The following POPDC3 variants were observed in gnomAD, a reference collection of about 807,000 sequenced individuals.
POPDC3 encodes popeye domain-containing protein 3.
In POPDC3, 20 loss-of-function variants were observed where a neutral mutation model predicts 28.2. The observed-to-expected ratio is 0.71, with a 90% CI of 0.50 to 1.03. POPDC3 has a LOEUF of 1.03. Ranked by LOEUF, POPDC3 falls within the 50% of genes least tolerant of loss-of-function variation. The probability of loss-of-function intolerance (pLI) is 0.00; values close to 1 mark genes in which losing one functional copy is unlikely to be tolerated. For missense variants in POPDC3, 316 were observed against 345.9 expected (o/e 0.91, Z 0.69); for synonymous variants, 118 against 124.1 (o/e 0.95, Z 0.33).
chr6:105,170,167 G>A (rs1221969735), intron 1 of POPDC3, among the ~76,000 whole-genome samples: 1 of 152,104 alleles, frequency 6.6e-6, no homozygotes, highest in African/African-American at 2.4e-5. Context: ...GACAGGCTCT[G>A]CTCAAGTTCT....
At chr6:105,166,734 T>G in intron 1 of POPDC3, 1 of 462,924 alleles carries the variant, frequency 2.2e-6, no homozygotes, top group Non-Finnish European at 4.5e-6. Flanking sequence ...CTTTATTATC[T>G]GTCTACATAG....
chr6:105,177,950 A>T (rs780995787), intron 1 of POPDC3, among the ~76,000 whole-genome samples: 24 of 152,204 alleles, frequency 1.6e-4, no homozygotes, highest in African/African-American at 5.8e-4. Flanking sequence ...TAATTTAGAA[A>T]ACACCTGATG....
chr6:105,162,089 A>C lies in POPDC3; in HGVS notation c.-180T>G. 7.5e-7 allele frequency: 1 copy of C among 1,335,704 alleles called. No homozygotes were observed. The highest frequency in any genetic ancestry group is 9.5e-7 in the Non-Finnish European group (1 of 1,049,244). 82.7% of individuals were successfully genotyped at this position (1,335,704 alleles called of 1,614,324 possible). A position where few individuals can be genotyped will look rare whatever the true frequency, so the allele number is the denominator to read the frequency against. On this transcript the variant is annotated 5_prime_UTR_variant, in exon 2 of 4. Transcript: ENST00000254765. ...GTGTACGGATCTTGAAAAACTAAGAATCCCATGCTCGCTTCTTTAAGTTCA... is the reference window on the plus strand; with the variant it reads ...GTGTACGGATCTTGAAAAACTAAGACTCCCATGCTCGCTTCTTTAAGTTCA...
intron 1 of POPDC3, chr6:105,168,938 G>A (rs1466130814): frequency 6.6e-6 from 1 of 152,210 alleles, no homozygotes; most frequent in East Asian, 1.9e-4. Context: ...AACCATCTGA[G>A]AAGCTTGGAA....
chr6:105,179,619 G>A (rs1215349548), intron 1 of POPDC3, among the ~76,000 whole-genome samples: 3 of 152,130 alleles, frequency 2.0e-5, no homozygotes, highest in African/African-American at 7.2e-5. Context: ...GACACAGCCG[G>A]GACCCCAGAC....
intron 1 of POPDC3, among the ~76,000 whole-genome samples, chr6:105,171,604 A>C (rs1334624334): frequency 6.6e-6 from 1 of 151,966 alleles, no homozygotes; most frequent in Non-Finnish European, 1.5e-5. Flanking sequence ...CCAGGAGGTC[A>C]AGGTTGCAGA....
intron 1 of POPDC3, among the ~76,000 whole-genome samples, chr6:105,174,569 A>T (rs1774647086): frequency 6.6e-6 from 1 of 152,220 alleles, no homozygotes; most frequent in East Asian, 1.9e-4. Flanking sequence ...ATTTATGACG[A>T]TGATGTGTTT....
At chr6:105,168,256 A>T (rs1448704480) in intron 1 of POPDC3, among the ~76,000 whole-genome samples, 1 of 152,094 alleles carries the variant, frequency 6.6e-6, no homozygotes, top group Non-Finnish European at 1.5e-5. Context: ...TTCCCAAACA[A>T]TTATATTACA....
Position 105,158,265 on chromosome 6 carries a change from T to G in POPDC3, c.*205A>C, listed in dbSNP as rs1774225868. ...CATAGTTATCCACCCCCTCCCCAATTATAACAATGAGAAATACAAGAAAAA... is the reference window on the plus strand; with the variant it reads ...CATAGTTATCCACCCCCTCCCCAATGATAACAATGAGAAATACAAGAAAAA... On this transcript the variant is annotated 3_prime_UTR_variant, in exon 4 of 4. Transcript: ENST00000254765. 3.9e-6 allele frequency: 2 copies of G among 513,346 alleles called. No homozygotes were observed. The highest frequency in any genetic ancestry group is 3.6e-5 in the South Asian group (1 of 28,082). The allele number at this position is 513,346 out of a possible 1,614,324, so 31.8% of individuals were successfully genotyped here.
chr6:105,158,995 T>C (rs1439787903), intron 3 of POPDC3: 3 of 351,118 alleles, frequency 8.5e-6, no homozygotes, highest in African/African-American at 6.3e-5. Context: ...TAAGTTCCAG[T>C]ATCTACATTT....
At chr6:105,177,877 G>T (rs1774709908) in intron 1 of POPDC3, among the ~76,000 whole-genome samples, 1 of 152,180 alleles carries the variant, frequency 6.6e-6, no homozygotes, top group Non-Finnish European at 1.5e-5. Context: ...TGGATTCTCT[G>T]GGTTGGAGGA....
At chr6:105,173,490 C>G (rs1279923466) in intron 1 of POPDC3, among the ~76,000 whole-genome samples, 1 of 152,104 alleles carries the variant, frequency 6.6e-6, no homozygotes, top group Non-Finnish European at 1.5e-5. Flanking sequence ...AGTAGCAACC[C>G]TGTGTCAGAA....
chr6:105,167,571 A>AC (rs1562154820), intron 1 of POPDC3, among the ~76,000 whole-genome samples: 2 of 151,978 alleles, frequency 1.3e-5, no homozygotes, highest in South Asian at 2.1e-4. Flanking sequence ...ACATGGTGAG[A>AC]CCCCGTCTCT....
intron 1 of POPDC3, among the ~76,000 whole-genome samples, chr6:105,177,879 G>A (rs1321372188): frequency 6.6e-6 from 1 of 152,220 alleles, no homozygotes; most frequent in Non-Finnish European, 1.5e-5. Context: ...GATTCTCTGG[G>A]TTGGAGGAGG....
At chr6:105,171,644 C>G (rs1486855929) in intron 1 of POPDC3, among the ~76,000 whole-genome samples, 1 of 151,764 alleles carries the variant, frequency 6.6e-6, no homozygotes, top group Non-Finnish European at 1.5e-5. Flanking sequence ...GCACTCCAGC[C>G]TGAGCGACAG....
At position 105,158,691 on chromosome 6, in the gene POPDC3, G is replaced by C. The variant is rs941493640; in HGVS notation, c.655C>G (p.Leu219Val). 4 of 1,613,890 alleles carry C rather than the reference G, an allele frequency of 2.5e-6. No homozygotes were observed. The highest frequency in any genetic ancestry group is 3.3e-5 in the Admixed American group (2 of 59,998). The change falls in exon 4 of 4, where the codon CTG becomes GTG. Residue 219 changes from leucine to valine, a missense_variant. Physicochemically the swap from Leu to Val is conservative, Grantham distance 32 (BLOSUM62 1). Coordinates refer to ENST00000254765, the MANE Select transcript of POPDC3 (RefSeq NM_022361.5). ...ATGTAGCGATGCTGAGCAAAGAGCA[G>C]ATATAATTTCTTTCTCCTCCAAGAC... ...YVSWRRKKLY[L>V]LFAQHRYISR...
intron 1 of POPDC3, chr6:105,177,058 T>C: frequency 2.8e-6 from 1 of 353,996 alleles, no homozygotes; most frequent in Non-Finnish European, 4.0e-6. Flanking sequence ...ATATAAACAT[T>C]TAAAAAAATC....
chr6:105,164,744 T>A (rs2114532766), intron 1 of POPDC3, among the ~76,000 whole-genome samples: 1 of 152,340 alleles, frequency 6.6e-6, no homozygotes, highest in Non-Finnish European at 1.5e-5. Context: ...TGGATTTCTT[T>A]CCTAAGCACT....
At chr6:105,161,402 A>G in intron 2 of POPDC3, 23 bp downstream of exon 2, 1 of 1,595,970 alleles carries the variant, frequency 6.3e-7, no homozygotes, top group South Asian at 1.1e-5. Flanking sequence ...GAGGAAAGAC[A>G]TGCAAGCACC....
Sources: allele counts gnomAD v4.1 joint callset (sites outside exome capture counted in the v4.1 genomes callset), GRCh38; gene constraint gnomAD v4.1.1; transcripts MANE v1.5; gene names NCBI Gene and HGNC (gene_info 2026-07-23, HGNC 2026-07-21).